Variants in UNC5A observed in about 807,000 individuals in gnomAD.
UNC5A encodes the protein unc-5 netrin receptor A.
UNC5A carries 20 observed loss-of-function variants against 87.4 expected under a neutral mutation model. The ratio of observed to expected loss-of-function variants is 0.23; its 90% CI spans 0.16 to 0.33. The LOEUF is 0.33. Ranked by LOEUF, UNC5A falls within the 10% of genes least tolerant of loss-of-function variation. The pLI is 1.00. For missense variants in UNC5A, 844 were observed against 1,133.4 expected, an observed-to-expected ratio of 0.74 and a Z score of 3.67; for synonymous variants, 438 against 482.3, an observed-to-expected ratio of 0.91 and a Z score of 1.20.
At chr5:176,853,343 G>C (rs1275339643) in intron 1 of UNC5A, among the ~76,000 whole-genome samples, 1 of 152,236 alleles carries the variant, frequency 6.6e-6, no homozygotes, top group Non-Finnish European at 1.5e-5. Flanking sequence ...GTCTGCAGGA[G>C]CTGGCGGGCA....
In UNC5A at chr5:176,875,987, G is replaced by C. The variant is rs528593061; in HGVS notation, c.1379-1205G>C. 2.6e-5 allele frequency among the ~76,000 whole-genome samples: 4 copies of C among 152,372 alleles called. No individual in the cohort carries two copies. The South Asian group carries it at 6.2e-4, about 24-fold the overall frequency. On this transcript the variant is annotated intron_variant, in intron 8 of 14. Coordinates refer to ENST00000329542, the MANE Select transcript of UNC5A (RefSeq NM_133369.3). This position sits in a 1 kb window ranked among gnomAD's most constrained non-coding sequence, Gnocchi z 5.2. ...GCTCTTACAGAGACGCAGGCGAACA[G>C]TGGGGCCCGGCAGCCCTTGCTCTTC...
intron 1 of UNC5A, among the ~76,000 whole-genome samples, chr5:176,828,782 T>A (rs942393809): frequency 2.0e-5 from 3 of 151,952 alleles, no homozygotes; most frequent in Non-Finnish European, 4.4e-5. Flanking sequence ...GATGGATGGA[T>A]GGGTGATTGG....
intron 1 of UNC5A, among the ~76,000 whole-genome samples, chr5:176,816,740 T>G (rs1285880095): frequency 6.6e-6 from 1 of 152,248 alleles, no homozygotes; most frequent in Non-Finnish European, 1.5e-5. Context: ...AGTGTGTCAG[T>G]GCTGGCACAT....
intron 1 of UNC5A, among the ~76,000 whole-genome samples, chr5:176,852,865 T>G (rs1022367076): frequency 6.6e-6 from 1 of 152,280 alleles, no homozygotes; most frequent in African/African-American, 2.4e-5. Context: ...GCCCTGTGCC[T>G]GGTGCTGGGA....
chr5:176,855,935 T>G (rs1377820213), intron 1 of UNC5A, among the ~76,000 whole-genome samples: 1 of 152,098 alleles, frequency 6.6e-6, no homozygotes, highest in Non-Finnish European at 1.5e-5. Context: ...CCCTGGCCCC[T>G]CGCTGTGTTC....
rs769754944 is a variant in UNC5A, at chr5:176,862,715, C to T, written c.162C>T (p.Tyr54=). ...TCCTGGTGGAGCCCGAGGATGTGTA[C>T]ATCGTCAAGAACAAGCCAGTGCTGC... is the stretch of plus-strand genomic sequence containing the variant. ...PHFLVEPEDV[Y]IVKNKPVLLV... The change falls in exon 2 of 15, where the codon TAC becomes TAT. Residue 54 remains tyrosine, a synonymous_variant. Coordinates refer to ENST00000329542, the MANE Select transcript of UNC5A (RefSeq NM_133369.3). The T allele has an allele frequency of 6.2e-6, 10 of 1,613,556 alleles. No individual in the cohort carries two copies. The highest frequency in any genetic ancestry group is 5.5e-5 in the South Asian group (5 of 91,080).
chr5:176,834,462 G>A (rs1187844438), intron 1 of UNC5A, among the ~76,000 whole-genome samples: 1 of 152,194 alleles, frequency 6.6e-6, no homozygotes, highest in African/African-American at 2.4e-5. Context: ...TTTCTATGGA[G>A]CATTCTCCTG....
At chr5:176,828,097 C>A (rs1035368655) in intron 1 of UNC5A, among the ~76,000 whole-genome samples, 1 of 152,084 alleles carries the variant, frequency 6.6e-6, no homozygotes, top group African/African-American at 2.4e-5. Context: ...ACACCCACCC[C>A]CAGCCAGGAG....
At chr5:176,863,220 T>A (rs1396651298) in intron 2 of UNC5A, among the ~76,000 whole-genome samples, 2 of 146,394 alleles carry the variant, frequency 1.4e-5, no homozygotes, top group Non-Finnish European at 3.0e-5. Context: ...TCAGGGGAGG[T>A]GATGTGTTAA....
intron 1 of UNC5A, among the ~76,000 whole-genome samples, chr5:176,857,793 C>T (rs1399843530): frequency 2.0e-5 from 3 of 152,188 alleles, no homozygotes; most frequent in South Asian, 2.1e-4. Context: ...GGTGACCAAG[C>T]GCCCGTCAGG....
chr5:176,853,801 G>C (rs4976654), intron 1 of UNC5A, among the ~76,000 whole-genome samples: 15,913 of 152,172 alleles, frequency 0.1, 1,200 homozygotes, highest in African/African-American at 0.2. Context: ...TGTCCCTGCC[G>C]TCCAGGGAGT....
chr5:176,843,193 A>G (rs1227879209), intron 1 of UNC5A, among the ~76,000 whole-genome samples: 1 of 151,892 alleles, frequency 6.6e-6, no homozygotes, highest in Non-Finnish European at 1.5e-5. Flanking sequence ...AGAAAGAAAG[A>G]AAAAAAGAAA....
At chr5:176,821,315 C>T (rs1241038434) in intron 1 of UNC5A, among the ~76,000 whole-genome samples, 1 of 152,196 alleles carries the variant, frequency 6.6e-6, no homozygotes. Context: ...GCCTGCCTAC[C>T]TGGATATCTT....
chr5:176,855,106 G>A (rs1214739828), intron 1 of UNC5A, among the ~76,000 whole-genome samples: 2 of 152,236 alleles, frequency 1.3e-5, no homozygotes, highest in Middle Eastern at 3.2e-3. Context: ...CAGGTCCATG[G>A]GACCCCAGGC....
intron 1 of UNC5A, among the ~76,000 whole-genome samples, chr5:176,839,807 CTTTTTTTTTTTTTTTT>C (rs58515865): frequency 1.6e-5 from 2 of 123,850 alleles, no homozygotes; most frequent in African/African-American, 6.7e-5. Flanking sequence ...CGGCCACTTC[CTTTTTTTTTTTTTTTT>C]TTTTTTTTTT....
At position 176,824,450 on chromosome 5, in the gene UNC5A, C is replaced by T. The variant is rs999213036; in HGVS notation, c.70+13630C>T. Among the ~76,000 whole-genome samples, 1 of 151,912 alleles carries T rather than the reference C, an allele frequency of 6.6e-6. No homozygotes were observed. The highest frequency in any genetic ancestry group is 2.4e-5 in the African/African-American group (1 of 41,350). On this transcript the variant is annotated intron_variant, in intron 1 of 14. Coordinates refer to ENST00000329542, the MANE Select transcript of UNC5A (RefSeq NM_133369.3). This position sits in a 1 kb window ranked among gnomAD's most constrained non-coding sequence, Gnocchi z 4.2. ...GTCCTGCACCTGAAAGGGGCCTGAC[C>T]GAGGATCTTAGGAGAAAGATGATGA...
At chr5:176,834,701 C>G (rs998752782) in intron 1 of UNC5A, among the ~76,000 whole-genome samples, 17 of 148,492 alleles carry the variant, frequency 1.1e-4, no homozygotes, top group African/African-American at 4.2e-4. Context: ...CTCTCTCTCT[C>G]TCTGTCTCTC....
chr5:176,843,301 C>T lies in UNC5A; in HGVS notation c.71-19323C>T, dbSNP rs142345646. On this transcript the variant is annotated intron_variant, in intron 1 of 14. Coordinates refer to ENST00000329542, the MANE Select transcript of UNC5A (RefSeq NM_133369.3). The stretch of plus-strand genomic sequence containing the variant: ...CTGCCCAGCAGGGGAAGGACGCTGC[C>T]GTGGGTTCAGGCCACTCAGAGGGAC... Among the ~76,000 whole-genome samples, 48 of 152,326 alleles carry T rather than the reference C, an allele frequency of 3.2e-4. No homozygotes were observed. In the East Asian group the frequency reaches 5.4e-3, roughly 17 times the overall value.
At chr5:176,829,796 C>T (rs748464303) in intron 1 of UNC5A, among the ~76,000 whole-genome samples, 1 of 151,710 alleles carries the variant, frequency 6.6e-6, no homozygotes, top group East Asian at 1.9e-4. Context: ...CCAGGCTTCT[C>T]TACACCTGGG....
Sources: gnomAD v4.1 joint callset for allele counts (sites outside exome capture counted in the v4.1 genomes callset) on GRCh38, gnomAD v4.1.1 for gene constraint, Gnocchi (gnomAD v3.1) non-coding constraint, MANE v1.5 for transcripts, NCBI Gene and HGNC (gene_info 2026-07-23, HGNC 2026-07-21) for gene names.